The following UPF3B variants were observed in gnomAD, a reference collection of about 807,000 sequenced individuals.
The protein encoded by UPF3B is UPF3B regulator of nonsense mediated mRNA decay.
A neutral mutation model predicts 40.3 loss-of-function variants in UPF3B; 7 were observed. The ratio of observed to expected loss-of-function variants is 0.17; its 90% CI spans 0.10 to 0.33. The LOEUF (loss-of-function observed/expected upper bound fraction) is 0.33. Ranked by LOEUF, UPF3B falls within the 10% of genes least tolerant of loss-of-function variation. The pLI is 1.00. For synonymous variants in UPF3B, 117 were observed against 117.3 expected, an observed-to-expected ratio of 1.00 and a Z score of 0.01; for missense variants, 229 against 358.9, an observed-to-expected ratio of 0.64 and a Z score of 2.93.
intron 3 of UPF3B, among the ~76,000 whole-genome samples, chrX:119,826,441 C>T (rs775087801): frequency 4.5e-5 from 5 of 111,010 alleles, no homozygotes; most frequent in Non-Finnish European, 9.4e-5. Flanking sequence ...GAGATTGCCC[C>T]ACTGCACTCC....
chrX:119,834,817 T>A lies in UPF3B; in HGVS notation c.*61A>T. ...CTTTGCCCTGAAGGCACCTCTGGATTGCTTAACGTGTGCTCTTTGGCTGCC... is the reference window on the plus strand; with the variant it reads ...CTTTGCCCTGAAGGCACCTCTGGATAGCTTAACGTGTGCTCTTTGGCTGCC... On this transcript the variant is annotated 3_prime_UTR_variant, in exon 11 of 11. Coordinates refer to ENST00000276201, the MANE Select transcript of UPF3B (RefSeq NM_080632.3). 2 of 1,210,019 alleles carry A rather than the reference T, an allele frequency of 1.7e-6. No homozygotes were observed.
At chrX:119,841,890 T>C (rs899478519) in intron 5 of UPF3B, 112 bp from the exon 6 acceptor site, 3 of 557,066 alleles carry the variant, frequency 5.4e-6, no homozygotes, top group Non-Finnish European at 9.2e-6. Flanking sequence ...ACACCCCTTA[T>C]GCAGAAAGAT....
chrX:119,851,446 A>T, intron 3 of UPF3B, 49 bp downstream of exon 3: 1 of 964,824 alleles, frequency 1.0e-6, no homozygotes, highest in Non-Finnish European at 1.5e-6. Flanking sequence ...TGTCTTAAAC[A>T]TACAAATGAC....
chrX:119,841,049 A>T, intron 7 of UPF3B, 27 bp downstream of exon 7: 1 of 1,205,935 alleles, frequency 8.3e-7, no homozygotes, highest in Non-Finnish European at 1.1e-6. Context: ...TTTTAGCAAC[A>T]TGCAGTCAGT....
chrX:119,833,619 G>C (rs2056059431), downstream of UPF3B, among the ~76,000 whole-genome samples: 1 of 111,947 alleles, frequency 8.9e-6, no homozygotes, highest in African/African-American at 3.2e-5. Flanking sequence ...CAATTCTCGT[G>C]CCTCAGCCTC....
At chrX:119,813,839 C>T (rs187344411) in intron 5 of UPF3B, among the ~76,000 whole-genome samples, 130 of 110,875 alleles carry the variant, frequency 1.2e-3, no homozygotes, top group African/African-American at 4.1e-3. Context: ...GCTGGGATTA[C>T]AGGCATGAGC....
At chrX:119,850,739 G>C (rs2056292749) in intron 3 of UPF3B, among the ~76,000 whole-genome samples, 1 of 111,462 alleles carries the variant, frequency 9.0e-6, no homozygotes, top group South Asian at 3.7e-4. Flanking sequence ...GATGTATCAA[G>C]TTTCTTTTTT....
intron 4 of UPF3B, among the ~76,000 whole-genome samples, chrX:119,818,557 G>C (rs947413206): frequency 8.9e-6 from 1 of 111,760 alleles, no homozygotes; most frequent in African/African-American, 3.3e-5. Flanking sequence ...TCCAGCCTTC[G>C]TGAGAGACTA....
chrX:119,820,510 A>G (rs2055906592), intron 4 of UPF3B, among the ~76,000 whole-genome samples: 2 of 107,633 alleles, frequency 1.9e-5, no homozygotes, highest in African/African-American at 6.9e-5. Context: ...CTCAGGCAGG[A>G]GTGCAGGATT....
chrX:119,818,314 C>T (rs997551138), intron 4 of UPF3B, among the ~76,000 whole-genome samples: 1 of 108,289 alleles, frequency 9.2e-6, no homozygotes, highest in African/African-American at 3.4e-5. Context: ...TGAAAAGCAT[C>T]GGCTGGGTGT....
chrX:119,843,712 G>A (rs1452665878), intron 4 of UPF3B, among the ~76,000 whole-genome samples: 1 of 112,507 alleles, frequency 8.9e-6, no homozygotes, highest in Non-Finnish European at 1.9e-5. Context: ...TCTAACATCA[G>A]AAAGGGTGAC....
Position 119,837,751 on chromosome X carries a change from C to T in UPF3B, c.1302+6G>A, listed in dbSNP as rs752421745. ...CCTCATAAACAAGTTTAATGACAAG[C>T]AGCACCTTGTTTCTTATTCGATCTC... On this transcript the variant is annotated splice_donor_region_variant and intron_variant, in intron 10 of 10. Transcript: ENST00000276201. 1 of 1,208,629 alleles carries T rather than the reference C, an allele frequency of 8.3e-7. No homozygotes were observed. The highest frequency in any genetic ancestry group is 1.1e-6 in the Non-Finnish European group (1 of 894,478).
At chrX:119,842,605 T>TACACACACACACACACACACACACAC (rs543555558) in intron 5 of UPF3B, among the ~76,000 whole-genome samples, 1 of 91,400 alleles carries the variant, frequency 1.1e-5, no homozygotes, top group African/African-American at 4.2e-5. Flanking sequence ...CACACACACA[T>TACACACACACACACACACACACACAC]ACACACACAC....
chrX:119,826,929 T>A (rs1051486748), intron 3 of UPF3B, among the ~76,000 whole-genome samples: 1 of 112,085 alleles, frequency 8.9e-6, no homozygotes, highest in Non-Finnish European at 1.9e-5. Context: ...CTTGAGGAAT[T>A]TTACTTGTTG....
At chrX:119,821,520 G>T (rs1297320728) in intron 4 of UPF3B, among the ~76,000 whole-genome samples, 1 of 112,528 alleles carries the variant, frequency 8.9e-6, no homozygotes, top group African/African-American at 3.2e-5. Context: ...ACAGCTGGCT[G>T]GGCGTGGTGG....
chrX:119,817,306 G>A (rs1322710583), intron 4 of UPF3B, among the ~76,000 whole-genome samples: 2 of 111,995 alleles, frequency 1.8e-5, no homozygotes, highest in South Asian at 3.7e-4. Context: ...ATGGCTGGGG[G>A]AGCCTCAGGA....
At position 119,851,747 on chromosome X, in the gene UPF3B, C is replaced by CATTTTTTTTTTT; in HGVS notation, c.263+19_263+20insAAAAAAAAAAAT. ...AGAAACCTTTTTCATTTACCCCTTTCCTTTTTTTTTTTTTTTTACCTCGTA... is the reference window on the plus strand; with the variant it reads ...AGAAACCTTTTTCATTTACCCCTTTCATTTTTTTTTTTCTTTTTTTTTTTTTTTTACCTCGTA... On this transcript the variant is annotated intron_variant, in intron 2 of 10. Transcript: ENST00000276201. 1 of 415,633 alleles carries CATTTTTTTTTTT rather than the reference C, an allele frequency of 2.4e-6. No homozygotes were observed. The highest frequency in any genetic ancestry group is 7.6e-5 in the East Asian group (1 of 13,174). The allele number at this position is 415,633 out of a possible 1,213,427, so 34.3% of individuals were successfully genotyped here.
chrX:119,828,790 G>A (rs1054410013), intron 3 of UPF3B, among the ~76,000 whole-genome samples: 4 of 110,463 alleles, frequency 3.6e-5, no homozygotes, highest in African/African-American at 9.9e-5. Context: ...GTGCCATCTC[G>A]GCTCACTGCA....
chrX:119,811,204 AT>A (rs1272852115), intron 5 of UPF3B, among the ~76,000 whole-genome samples: 35 of 108,745 alleles, frequency 3.2e-4, no homozygotes, highest in Admixed American at 1.7e-3. Context: ...ACACACAGCA[AT>A]TTTTTTTTCT....
Sources: gnomAD v4.1 joint callset for allele counts (sites outside exome capture counted in the v4.1 genomes callset) on GRCh38, gnomAD v4.1.1 for gene constraint, MANE v1.5 for transcripts, NCBI Gene and HGNC (gene_info 2026-07-23, HGNC 2026-07-21) for gene names.